The following SLC4A4 variants were observed in gnomAD, a reference collection of about 807,000 sequenced individuals.
The protein encoded by SLC4A4 is solute carrier family 4 member 4, also known as electrogenic sodium bicarbonate cotransporter 1.
A neutral mutation model predicts 111.5 loss-of-function variants in SLC4A4; 27 were observed. The ratio of observed to expected loss-of-function variants is 0.24; its 90% CI spans 0.18 to 0.33. SLC4A4 has a LOEUF of 0.33. Ranked by LOEUF, SLC4A4 falls within the 10% of genes least tolerant of loss-of-function variation. SLC4A4 has a pLI of 1.00. For missense variants in SLC4A4, 909 were observed against 1,315.5 expected, an observed-to-expected ratio of 0.69 and a Z score of 4.78; for synonymous variants, 443 against 463.4, an observed-to-expected ratio of 0.96 and a Z score of 0.57.
intron 6 of SLC4A4, among the ~76,000 whole-genome samples, chr4:71,364,017 T>A (rs1484113933): frequency 6.6e-6 from 1 of 152,242 alleles, no homozygotes; most frequent in African/African-American, 2.4e-5. Flanking sequence ...AAATGCATAA[T>A]GTTCAGATCT....
intron 2 of SLC4A4, among the ~76,000 whole-genome samples, chr4:71,131,011 T>C (rs867533154): frequency 2.6e-5 from 4 of 152,166 alleles, no homozygotes; most frequent in African/African-American, 9.7e-5. Flanking sequence ...CCATGATGAA[T>C]ATCAAGTGAG....
At chr4:71,303,719 ATC>A (rs1369602272) in intron 3 of SLC4A4, among the ~76,000 whole-genome samples, 2 of 151,916 alleles carry the variant, frequency 1.3e-5, no homozygotes, top group Non-Finnish European at 2.9e-5. Context: ...TGTTTTTCAC[ATC>A]TCTTTTTCTT....
chr4:71,219,094 A>G (rs889417813), intron 1 of SLC4A4, among the ~76,000 whole-genome samples: 10 of 152,188 alleles, frequency 6.6e-5, no homozygotes, highest in Non-Finnish European at 1.2e-4. Flanking sequence ...TGTTCAAGTG[A>G]AAGGAAGAGT....
Position 71,568,396 on chromosome 4 carries a change from T to A in SLC4A4, c.*645T>A, listed in dbSNP as rs1351931356. The stretch of plus-strand genomic sequence containing the variant: ...ATTTTAACTTGCTCTTGCTTGTAAA[T>A]CCTAATCTTAGAGTTATCAAAAGAA... On this transcript the variant is annotated 3_prime_UTR_variant, in exon 26 of 26. Transcript: ENST00000264485. The A allele has an allele frequency of 6.6e-6, 1 of 152,466 alleles. No homozygotes were observed. The highest frequency in any genetic ancestry group is 1.5e-5 in the Non-Finnish European group (1 of 68,056). The allele number at this position is 152,466 out of a possible 1,614,324, so 9.4% of individuals were successfully genotyped here. A position where few individuals can be genotyped will look rare whatever the true frequency, so the allele number is the denominator to read the frequency against.
chr4:71,437,387 T>G (rs1365848290), intron 7 of SLC4A4: 1 of 313,016 alleles, frequency 3.2e-6, no homozygotes, highest in Non-Finnish European at 6.3e-6. Context: ...ACTATCAGTT[T>G]GTGGTGGGGA....
At chr4:71,458,304 A>G (rs1409822314) in intron 12 of SLC4A4, among the ~76,000 whole-genome samples, 1 of 152,122 alleles carries the variant, frequency 6.6e-6, no homozygotes, top group Non-Finnish European at 1.5e-5. Flanking sequence ...TATATAAGGA[A>G]TAATTTTTGA....
At chr4:71,526,383 G>A (rs1733422790) in intron 16 of SLC4A4, among the ~76,000 whole-genome samples, 1 of 152,000 alleles carries the variant, frequency 6.6e-6, no homozygotes, top group East Asian at 1.9e-4. Flanking sequence ...CACCCTGACT[G>A]TGATTTTTAA....
chr4:71,196,297 G>A (rs16845974), intron 1 of SLC4A4, among the ~76,000 whole-genome samples: 18,163 of 152,140 alleles, frequency 0.12, 1,768 homozygotes, highest in African/African-American at 0.25. Flanking sequence ...ATTAAGCAGA[G>A]ACACGCAGCT....
intron 18 of SLC4A4, among the ~76,000 whole-genome samples, chr4:71,536,484 A>T (rs1456279042): frequency 2.8e-5 from 3 of 106,324 alleles, no homozygotes; most frequent in Admixed American, 1.1e-4. Flanking sequence ...ATATATATAT[A>T]TATGTATATA....
At chr4:71,300,513 G>A (rs974275243) in intron 3 of SLC4A4, 3 of 249,792 alleles carry the variant, frequency 1.2e-5, no homozygotes, top group African/African-American at 2.3e-5. Flanking sequence ...GGAGGCCTGG[G>A]CCGGGGCCAC....
intron 16 of SLC4A4, among the ~76,000 whole-genome samples, chr4:71,521,915 G>C (rs116259645): frequency 6.6e-6 from 1 of 152,152 alleles, no homozygotes; most frequent in East Asian, 1.9e-4. Context: ...GATTCCACTC[G>C]TTCTGGCTCC....
chr4:71,451,018 G>T (rs1283732984), intron 10 of SLC4A4, among the ~76,000 whole-genome samples, 170 bp from the exon 11 acceptor site: 1 of 152,072 alleles, frequency 6.6e-6, no homozygotes, highest in African/African-American at 2.4e-5. Flanking sequence ...CATTTGTATT[G>T]GTTCTAAATG....
chr4:71,200,448 CT>C (rs1221885292), intron 1 of SLC4A4, among the ~76,000 whole-genome samples: 3 of 152,142 alleles, frequency 2.0e-5, no homozygotes, highest in African/African-American at 7.2e-5. Flanking sequence ...TCTTGTTCAT[CT>C]GTTGGTATTC....
At chr4:71,424,669 T>C in intron 7 of SLC4A4, among the ~76,000 whole-genome samples, 1 of 152,052 alleles carries the variant, frequency 6.6e-6, no homozygotes, top group Non-Finnish European at 1.5e-5. Flanking sequence ...CCATAAAAAA[T>C]GATGAGTTCA....
intron 11 of SLC4A4, 65 bp from the exon 12 acceptor site, chr4:71,453,430 C>A: frequency 1.4e-6 from 2 of 1,456,930 alleles, no homozygotes; most frequent in East Asian, 4.5e-5. Context: ...TAATGAGTTA[C>A]CTCTTGATTA....
chr4:71,366,953 G>A (rs1291417412), intron 6 of SLC4A4, among the ~76,000 whole-genome samples: 2 of 152,176 alleles, frequency 1.3e-5, no homozygotes, highest in African/African-American at 4.8e-5. Context: ...CTGCCAGATG[G>A]CTCCAGTCAG....
chr4:71,260,323 T>C (rs1159026295), intron 3 of SLC4A4, among the ~76,000 whole-genome samples: 1 of 152,236 alleles, frequency 6.6e-6, no homozygotes, highest in Non-Finnish European at 1.5e-5. Flanking sequence ...GGTACATTTG[T>C]ACTTTTTCTT....
At chr4:71,291,087 C>T (rs1724312033) in intron 3 of SLC4A4, among the ~76,000 whole-genome samples, 1 of 152,078 alleles carries the variant, frequency 6.6e-6, no homozygotes, top group African/African-American at 2.4e-5. Flanking sequence ...AAGAACAGAG[C>T]CATTTTGTAA....
At chr4:71,107,600 C>T (rs775988965) in intron 2 of SLC4A4, among the ~76,000 whole-genome samples, 5 of 152,218 alleles carry the variant, frequency 3.3e-5, no homozygotes, top group South Asian at 2.1e-4. Flanking sequence ...TACGCTGCCT[C>T]GGCCTCTCAA....
Sources: gnomAD v4.1 joint callset for allele counts (sites outside exome capture counted in the v4.1 genomes callset) on GRCh38, gnomAD v4.1.1 for gene constraint, MANE v1.5 for transcripts, NCBI Gene and HGNC (gene_info 2026-07-23, HGNC 2026-07-21) for gene names.